ELF2: variants seen among roughly 807,000 people sequenced by gnomAD.
ELF2 encodes the protein E74 like ETS transcription factor 2.
Under a neutral mutation model 54.8 loss-of-function variants are expected in ELF2, and 11 were observed. That is an observed-to-expected ratio of 0.20 (90% CI 0.13 to 0.33). The LOEUF is 0.33. Among genes scored for constraint, ELF2 ranks in the 10% least tolerant of loss-of-function variants. The pLI, the probability that ELF2 is intolerant of heterozygous loss-of-function variation, is 1.00. For synonymous variants in ELF2, 203 were observed against 245.1 expected (o/e 0.83, Z 1.61); for missense variants, 513 against 703.0 (o/e 0.73, Z 3.06).
chr4:139,085,222 T>C (rs941424316), intron 4 of ELF2, among the ~76,000 whole-genome samples: 11 of 152,180 alleles, frequency 7.2e-5, no homozygotes, highest in Non-Finnish European at 1.6e-4. Flanking sequence ...CAAACCAATA[T>C]AATGACGAAT....
At chr4:139,115,323 C>A in intron 4 of ELF2, 2 of 1,498,596 alleles carry the variant, frequency 1.3e-6, no homozygotes, top group African/African-American at 1.4e-5. Context: ...CTGCCCGGCC[C>A]GGGGGCCGGG....
At chr4:139,114,627 A>G (rs1578834795) in intron 4 of ELF2, among the ~76,000 whole-genome samples, 1 of 92,980 alleles carries the variant, frequency 1.1e-5, no homozygotes, top group South Asian at 3.7e-4. Context: ...ACTGACATGG[A>G]TTTTTTTTTT....
At chr4:139,160,231 A>T (rs1357510730) in intron 1 of ELF2, among the ~76,000 whole-genome samples, 8 of 152,126 alleles carry the variant, frequency 5.3e-5, no homozygotes, top group Non-Finnish European at 1.2e-4. Context: ...GTTACTGGGA[A>T]CACTGTGAGA....
chr4:139,169,926 T>C (rs1365496304), intron 1 of ELF2, among the ~76,000 whole-genome samples: 1 of 151,942 alleles, frequency 6.6e-6, no homozygotes, highest in African/African-American at 2.4e-5. Context: ...TACTACGGTA[T>C]GCATATTCCC....
intron 1 of ELF2, among the ~76,000 whole-genome samples, chr4:139,145,166 G>A (rs897558123): frequency 6.6e-6 from 1 of 152,232 alleles, no homozygotes; most frequent in African/African-American, 2.4e-5. Context: ...AGCACTGTCT[G>A]CAGTACCCTG....
chr4:139,165,317 G>T (rs1741612020), intron 1 of ELF2, among the ~76,000 whole-genome samples: 1 of 152,126 alleles, frequency 6.6e-6, no homozygotes, highest in African/African-American at 2.4e-5. Context: ...TTTTGATCAG[G>T]TGTTTTAAAC....
At position 139,170,936 on chromosome 4, in the gene ELF2, G is replaced by A. The variant is rs547518090; in HGVS notation, c.-252+6031C>T. Reference sequence around the variant, plus strand: ...AATTTTTGTATTTTTAGTAGAGACAGGGTTTTACCATGCTGACCAGGCTGG... The same window carrying A: ...AATTTTTGTATTTTTAGTAGAGACAAGGTTTTACCATGCTGACCAGGCTGG... On this transcript the variant is annotated intron_variant, in intron 1 of 9. Transcript: ENST00000686138. 2.4e-3 allele frequency among the ~76,000 whole-genome samples: 368 copies of A among 151,930 alleles called. 1 individual carries two copies. Among genetic ancestry groups the A allele is most frequent in the Non-Finnish European group, 3.8e-3 (257 of 67,970 alleles).
chr4:139,116,640 C>A (rs1476387536), intron 4 of ELF2: 1 of 982,686 alleles, frequency 1.0e-6, no homozygotes, highest in Non-Finnish European at 1.2e-6. Context: ...AAATTAAAAA[C>A]CAACCTACCA....
rs34208004 is a variant in ELF2, at chr4:139,152,891, C to CTTT, written c.-251-13397_-251-13395dup. Among the ~76,000 whole-genome samples the CTTT allele has an allele frequency of 5.3e-3, 549 of 103,986 alleles. 16 individuals are homozygous for CTTT. The highest frequency in any genetic ancestry group is 0.013 in the African/African-American group (331 of 25,108). The allele number at this position is 103,986 out of a possible 152,430, so 68.2% of individuals were successfully genotyped here. A position where few individuals can be genotyped will look rare whatever the true frequency, so the allele number is the denominator to read the frequency against. On this transcript the variant is annotated intron_variant, in intron 1 of 9. Coordinates refer to ENST00000686138, the MANE Select transcript of ELF2 (RefSeq NM_001331036.3). ...CAGCATCAATAACAATAGTGTCATA[C>CTTT]TTTTTTTTTTTTTTTTTTTTTTGAG... is the stretch of plus-strand genomic sequence containing the variant.
chr4:139,160,552 C>T (rs1381148893), intron 1 of ELF2, among the ~76,000 whole-genome samples: 1 of 152,144 alleles, frequency 6.6e-6, no homozygotes, highest in African/African-American at 2.4e-5. Context: ...TTCAACCCCA[C>T]AGCAACTTTT....
rs959481452 is a variant in ELF2, at chr4:139,072,115, A to G, written c.353-76T>C. 98 of 1,421,444 alleles carry G rather than the reference A, an allele frequency of 6.9e-5. 1 individual carries two copies. In the African/African-American group the frequency reaches 1.0e-3, roughly 15 times the overall value. 88.1% of individuals were successfully genotyped at this position (1,421,444 alleles called of 1,614,324 possible). ...TTATGTGGACAGTTCAATATTTAGAAGAGGCGAGGTGTGTTAAGAATTAAT... is the reference window on the plus strand; with the variant it reads ...TTATGTGGACAGTTCAATATTTAGAGGAGGCGAGGTGTGTTAAGAATTAAT... On this transcript the variant is annotated intron_variant, in intron 5 of 9. Transcript: ENST00000686138.
intron 7 of ELF2, among the ~76,000 whole-genome samples, chr4:139,065,550 C>T (rs1336254032): frequency 3.3e-5 from 5 of 152,088 alleles, no homozygotes; most frequent in African/African-American, 1.2e-4. Flanking sequence ...GCTTTCTTTA[C>T]CAGGTAATAA....
chr4:139,146,748 A>T (rs1157168391), intron 1 of ELF2, among the ~76,000 whole-genome samples: 1 of 152,200 alleles, frequency 6.6e-6, no homozygotes, highest in East Asian at 1.9e-4. Flanking sequence ...TCTTCAACAA[A>T]GCATGAAAAA....
chr4:139,081,037 C>G (rs1390868883), intron 4 of ELF2, among the ~76,000 whole-genome samples: 1 of 151,546 alleles, frequency 6.6e-6, no homozygotes, highest in Non-Finnish European at 1.5e-5. Flanking sequence ...TAGCAATCAT[C>G]TAGTCAACCC....
At chr4:139,174,946 A>G (rs928228724) in intron 1 of ELF2, among the ~76,000 whole-genome samples, 5 of 152,188 alleles carry the variant, frequency 3.3e-5, no homozygotes, top group Admixed American at 3.3e-4. Context: ...TAGGGACCTG[A>G]GCATCCATAG....
At chr4:139,098,883 T>C (rs1251714533) in intron 4 of ELF2, among the ~76,000 whole-genome samples, 1 of 152,264 alleles carries the variant, frequency 6.6e-6, no homozygotes, top group Non-Finnish European at 1.5e-5. Context: ...GTGATCACAA[T>C]AGATAACTTT....
Position 139,139,510 on chromosome 4 carries a change from G to T in ELF2, c.-251-13C>A, listed in dbSNP as rs1440170213. 8.3e-7 allele frequency: 1 copy of T among 1,210,832 alleles called. No homozygotes were observed. The allele number at this position is 1,210,832 out of a possible 1,614,324, so 75.0% of individuals were successfully genotyped here. On this transcript the variant is annotated splice_polypyrimidine_tract_variant and intron_variant, in intron 1 of 9. Transcript: ENST00000686138. Reference sequence around the variant, plus strand: ...TAGTTCTTTGGAACTGCCAGCGGGAGGGGAAAAAAGATAATATTAATATAA... The same window carrying T: ...TAGTTCTTTGGAACTGCCAGCGGGATGGGAAAAAAGATAATATTAATATAA...
Position 139,058,925 on chromosome 4 carries a change from C to T in ELF2, c.*58G>A. 6.6e-7 allele frequency: 1 copy of T among 1,514,674 alleles called. No homozygotes were observed. Among genetic ancestry groups the T allele is most frequent in the Non-Finnish European group, 8.8e-7 (1 of 1,133,882 alleles). The allele number at this position is 1,514,674 out of a possible 1,614,324, so 93.8% of individuals were successfully genotyped here. A position where few individuals can be genotyped will look rare whatever the true frequency, so the allele number is the denominator to read the frequency against. ...TGACTTTTCTTGATGACTTCCCTTGCAAATGTTTATGTCAGTACTGCCACT... is the reference window on the plus strand; with the variant it reads ...TGACTTTTCTTGATGACTTCCCTTGTAAATGTTTATGTCAGTACTGCCACT... On this transcript the variant is annotated 3_prime_UTR_variant, in exon 10 of 10. Coordinates refer to ENST00000686138, the MANE Select transcript of ELF2 (RefSeq NM_001331036.3).
chr4:139,118,961 GAACT>G (rs1736038421), intron 4 of ELF2, among the ~76,000 whole-genome samples: 3 of 151,824 alleles, frequency 2.0e-5, no homozygotes, highest in African/African-American at 4.8e-5. Context: ...TTGAAAATCA[GAACT>G]AACTAACCCA....
Sources: allele counts gnomAD v4.1 joint callset (sites outside exome capture counted in the v4.1 genomes callset), GRCh38; gene constraint gnomAD v4.1.1; transcripts MANE v1.5; gene names NCBI Gene and HGNC (gene_info 2026-07-23, HGNC 2026-07-21).